NALCN: variants seen among roughly 807,000 people sequenced by gnomAD.
NALCN encodes the protein sodium leak channel, non-selective, also known as sodium leak channel NALCN.
NALCN carries 111 observed loss-of-function variants against 225.3 expected under a neutral mutation model. That is an observed-to-expected ratio of 0.49 (90% CI 0.42 to 0.58). The LOEUF is 0.58. NALCN is among the 20% of genes least tolerant of loss of function. The probability of loss-of-function intolerance (pLI) is 0.00; values close to 1 mark genes in which losing one functional copy is unlikely to be tolerated. For synonymous variants in NALCN, 764 were observed against 769.0 expected (o/e 0.99, Z 0.11); for missense variants, 1,378 against 2,202.4 (o/e 0.63, Z 7.49).
chr13:101,235,827 T>C (rs910155773), intron 12 of NALCN, among the ~76,000 whole-genome samples: 10 of 152,344 alleles, frequency 6.6e-5, no homozygotes, highest in South Asian at 2.1e-4. Context: ...TATATTTGCA[T>C]GTCCTTTCCC....
At chr13:101,303,528 T>C (rs1189880952) in intron 7 of NALCN, among the ~76,000 whole-genome samples, 1 of 152,196 alleles carries the variant, frequency 6.6e-6, no homozygotes, top group Non-Finnish European at 1.5e-5. Flanking sequence ...TTTTCTTTTC[T>C]GCTTGATTTT....
intron 3 of NALCN, among the ~76,000 whole-genome samples, chr13:101,385,582 T>A (rs1031056120): frequency 3.9e-5 from 6 of 152,196 alleles, no homozygotes; most frequent in Non-Finnish European, 5.9e-5. Flanking sequence ...AATGGAGACA[T>A]TAAAGTTGCC....
chr13:101,256,209 CTCTGA>C (rs2042223734), intron 11 of NALCN, among the ~76,000 whole-genome samples: 2 of 152,224 alleles, frequency 1.3e-5, no homozygotes, highest in Non-Finnish European at 1.5e-5. Flanking sequence ...GGACTCCACT[CTCTGA>C]TCATAACCTC....
rs746867307 is a variant in NALCN at position 101,395,353 on chromosome 13, A to G, written c.121T>C (p.Leu41=). Residue 41 remains leucine, a synonymous_variant, in exon 3 of 44, where the codon TTG becomes CTG. Coordinates refer to ENST00000251127, the MANE Select transcript of NALCN (RefSeq NM_052867.4). The stretch of plus-strand genomic sequence containing the variant: ...CTGATGATGGCACAGATGCGCAGCA[A>G]AGAGTGAACCCACTGCAATGATGGT... The part of the protein sequence containing the change: ...LWINKPWVHS[L]LRICAIISVI... 1 of 1,613,742 alleles carries G rather than the reference A, an allele frequency of 6.2e-7. No individual in the cohort carries two copies. Among genetic ancestry groups the G allele is most frequent in the South Asian group, 1.1e-5 (1 of 91,016 alleles).
intron 14 of NALCN, among the ~76,000 whole-genome samples, chr13:101,181,755 A>G (rs1421606756): frequency 6.6e-6 from 1 of 152,062 alleles, no homozygotes; most frequent in Non-Finnish European, 1.5e-5. Context: ...AAAACTAAAA[A>G]CAAACAAAAC....
At chr13:101,083,044 C>T in intron 32 of NALCN, 48 bp downstream of exon 32, 1 of 1,575,428 alleles carries the variant, frequency 6.3e-7, no homozygotes, top group South Asian at 1.1e-5. Context: ...TCGGATGTAG[C>T]AGTGAATACA....
chr13:101,265,874 T>C (rs1403008517), intron 10 of NALCN, among the ~76,000 whole-genome samples: 1 of 151,978 alleles, frequency 6.6e-6, no homozygotes, highest in African/African-American at 2.4e-5. Flanking sequence ...TAAAAAAGAG[T>C]GACAGCAGCT....
chr13:101,271,650 G>A (rs1318993595), intron 10 of NALCN, among the ~76,000 whole-genome samples: 3 of 151,926 alleles, frequency 2.0e-5, no homozygotes, highest in Non-Finnish European at 4.4e-5. Flanking sequence ...GTGTGTATGT[G>A]TGAGCATGCA....
intron 17 of NALCN, among the ~76,000 whole-genome samples, chr13:101,136,737 C>T (rs2036818715): frequency 6.6e-6 from 1 of 152,130 alleles, no homozygotes; most frequent in South Asian, 2.1e-4. Context: ...CAGGTCTTTG[C>T]TATTGTGAAC....
At chr13:101,331,344 G>A (rs2045162441) in intron 7 of NALCN, among the ~76,000 whole-genome samples, 1 of 152,116 alleles carries the variant, frequency 6.6e-6, no homozygotes, top group African/African-American at 2.4e-5. Context: ...AAAAGAACAG[G>A]CAGGTTTGAA....
At chr13:101,198,070 G>C (rs1046421687) in intron 13 of NALCN, among the ~76,000 whole-genome samples, 2 of 152,148 alleles carry the variant, frequency 1.3e-5, no homozygotes, top group Non-Finnish European at 2.9e-5. Flanking sequence ...TATGAGAACA[G>C]GGTGAGAACC....
chr13:101,093,352 CA>C (rs894476967), intron 28 of NALCN, among the ~76,000 whole-genome samples: 5 of 152,116 alleles, frequency 3.3e-5, no homozygotes, highest in Non-Finnish European at 7.4e-5. Flanking sequence ...ATAATTTAGC[CA>C]ATATAAAATT....
At chr13:101,199,543 G>T (rs866279375) in intron 13 of NALCN, among the ~76,000 whole-genome samples, 3 of 149,312 alleles carry the variant, frequency 2.0e-5, no homozygotes, top group South Asian at 2.1e-4. Context: ...GCAAACTATC[G>T]CAAGGACAAA....
In NALCN at chr13:101,398,286, G is replaced by A. The variant is rs377717540; in HGVS notation, c.108+733C>T. ...GAGAGACTGGGAAGGACAGCAAAGA[G>A]TCCAAGCAGATCATGTGTGTATCAT... is the stretch of plus-strand genomic sequence containing the variant. On this transcript the variant is annotated intron_variant, in intron 2 of 43. Coordinates refer to ENST00000251127, the MANE Select transcript of NALCN (RefSeq NM_052867.4). 3.3e-5 allele frequency among the ~76,000 whole-genome samples: 5 copies of A among 152,276 alleles called. No individual in the cohort carries two copies. The South Asian group carries it at 1.0e-3, about 32-fold the overall frequency.
chr13:101,296,479 C>T (rs894516294), intron 7 of NALCN, among the ~76,000 whole-genome samples: 1 of 152,196 alleles, frequency 6.6e-6, no homozygotes, highest in Non-Finnish European at 1.5e-5. Context: ...GCTATACACA[C>T]AGAAAAGTCT....
intron 7 of NALCN, among the ~76,000 whole-genome samples, chr13:101,302,170 GAT>G (rs1402829908): frequency 3.3e-5 from 5 of 152,134 alleles, no homozygotes; most frequent in Non-Finnish European, 5.9e-5. Flanking sequence ...AAAGTACTAA[GAT>G]ATTTTTCCTC....
chr13:101,346,800 G>T (rs548764541), intron 6 of NALCN, among the ~76,000 whole-genome samples: 44 of 152,182 alleles, frequency 2.9e-4, no homozygotes, highest in African/African-American at 1.0e-3. Flanking sequence ...CCAAATAGCT[G>T]CTATCTGAGG....
chr13:101,173,654 C>G (rs142756398), intron 15 of NALCN, among the ~76,000 whole-genome samples: 2 of 151,994 alleles, frequency 1.3e-5, no homozygotes, highest in Non-Finnish European at 2.9e-5. Flanking sequence ...AAAGTTTGAA[C>G]GGAGCAAAGA....
chr13:101,095,280 TA>T (rs2139574401), intron 28 of NALCN, among the ~76,000 whole-genome samples: 1 of 152,320 alleles, frequency 6.6e-6, no homozygotes, highest in South Asian at 2.1e-4. Flanking sequence ...CTGTTAAGCC[TA>T]ATTTTTTAAG....
Sources: gnomAD v4.1 joint callset for allele counts (sites outside exome capture counted in the v4.1 genomes callset) on GRCh38, gnomAD v4.1.1 for gene constraint, MANE v1.5 for transcripts, NCBI Gene and HGNC (gene_info 2026-07-23, HGNC 2026-07-21) for gene names.